GAB2: variants seen among roughly 807,000 people sequenced by gnomAD.
The protein encoded by GAB2 is GRB2-associated-binding protein 2.
GAB2 carries 26 observed loss-of-function variants against 65.5 expected under a neutral mutation model. The ratio of observed to expected loss-of-function variants is 0.40; its 90% CI spans 0.29 to 0.55. The LOEUF (loss-of-function observed/expected upper bound fraction) is 0.55, where lower values mean the gene tolerates loss of function less well. Among genes scored for constraint, GAB2 ranks in the 20% least tolerant of loss-of-function variants. The pLI, the probability that GAB2 is intolerant of heterozygous loss-of-function variation, is 0.53. For missense variants in GAB2, 884 were observed against 875.8 expected, an observed-to-expected ratio of 1.01 and a Z score of -0.12; for synonymous variants, 321 against 329.6, an observed-to-expected ratio of 0.97 and a Z score of 0.28.
chr11:78,345,536 C>T (rs1320645417), intron 1 of GAB2, among the ~76,000 whole-genome samples: 1 of 152,144 alleles, frequency 6.6e-6, no homozygotes, highest in Non-Finnish European at 1.5e-5. Flanking sequence ...TTTTGTAATT[C>T]ATTAAATATT....
At position 78,220,461 on chromosome 11, in the gene GAB2, A is replaced by C. The variant is rs1041563041; in HGVS notation, c.1762-17T>G. 6.4e-7 allele frequency: 1 copy of C among 1,553,848 alleles called. No homozygotes were observed. The highest frequency in any genetic ancestry group is 1.4e-5 in the African/African-American group (1 of 73,050). Reference sequence around the variant, plus strand: ...TGGGTTTTGCTGTCACGAGGAGGAAAAAACTGTGAGTGACTGCAGAAAACA... The same window carrying C: ...TGGGTTTTGCTGTCACGAGGAGGAACAAACTGTGAGTGACTGCAGAAAACA... On this transcript the variant is annotated splice_polypyrimidine_tract_variant and intron_variant, in intron 8 of 9. Coordinates refer to ENST00000361507, the MANE Select transcript of GAB2 (RefSeq NM_080491.3).
intron 2 of GAB2, among the ~76,000 whole-genome samples, chr11:78,265,217 T>TATATATATATAA (rs1046164029): frequency 8.7e-5 from 13 of 149,888 alleles, no homozygotes; most frequent in Admixed American, 2.7e-4. Context: ...TATATATATA[T>TATATATATATAA]ATATATAAAA....
At chr11:78,392,598 G>C (rs1856848257) in intron 1 of GAB2, among the ~76,000 whole-genome samples, 1 of 152,158 alleles carries the variant, frequency 6.6e-6, no homozygotes, top group African/African-American at 2.4e-5. Context: ...GGAGGCAGGG[G>C]AGAGAGAAGA....
chr11:78,268,735 TA>T (rs530276951), intron 2 of GAB2, among the ~76,000 whole-genome samples: 9,267 of 127,668 alleles, frequency 0.073, 597 homozygotes, highest in African/African-American at 0.19. Context: ...GTCTGGTATT[TA>T]AAAAAAAAAA....
At chr11:78,290,039 T>C (rs549301393) in intron 1 of GAB2, among the ~76,000 whole-genome samples, 73 of 152,054 alleles carry the variant, frequency 4.8e-4, no homozygotes, top group Non-Finnish European at 7.4e-4. Context: ...TTGAAGAGTA[T>C]AGATCAGCAG....
chr11:78,307,633 A>AGAGAGAGAGAGAGAGAGAGG (rs1270261078), intron 1 of GAB2, among the ~76,000 whole-genome samples: 1 of 151,046 alleles, frequency 6.6e-6, no homozygotes, highest in African/African-American at 2.4e-5. Flanking sequence ...AGAGAGAGAG[A>AGAGAGAGAGAGAGAGAGAGG]GATGTTGAGT....
At chr11:78,377,477 C>G (rs932603467) in intron 1 of GAB2, among the ~76,000 whole-genome samples, 2 of 152,154 alleles carry the variant, frequency 1.3e-5, no homozygotes, top group Non-Finnish European at 2.9e-5. Flanking sequence ...CACTGGGGAT[C>G]AGAATTTCAA....
At chr11:78,293,397 A>C (rs1040099975) in intron 1 of GAB2, among the ~76,000 whole-genome samples, 2 of 152,210 alleles carry the variant, frequency 1.3e-5, no homozygotes, top group African/African-American at 4.8e-5. Context: ...CTGTTCAATG[A>C]AAGTTATACC....
intron 1 of GAB2, among the ~76,000 whole-genome samples, chr11:78,402,886 A>C (rs1043096322): frequency 2.0e-5 from 3 of 152,304 alleles, no homozygotes; most frequent in Non-Finnish European, 2.9e-5. Flanking sequence ...TAATCCCTAA[A>C]GTGACCGTAT....
chr11:78,232,220 C>T (rs1483275718), intron 3 of GAB2, among the ~76,000 whole-genome samples: 8 of 152,180 alleles, frequency 5.3e-5, no homozygotes, highest in Non-Finnish European at 8.8e-5. Context: ...CTAATTTTAC[C>T]ATTTACCCAC....
intron 2 of GAB2, among the ~76,000 whole-genome samples, chr11:78,255,566 C>T (rs1028198995): frequency 3.9e-5 from 6 of 152,178 alleles, no homozygotes; most frequent in Non-Finnish European, 1.5e-5. Context: ...ACCCCCAATT[C>T]TGATGAGCTG....
chr11:78,219,135 A>T lies in GAB2; in HGVS notation c.*137T>A. 1 of 798,630 alleles carries T rather than the reference A, an allele frequency of 1.3e-6. No homozygotes were observed. Among genetic ancestry groups the T allele is most frequent in the East Asian group, 2.6e-5 (1 of 38,494 alleles). 49.5% of individuals were successfully genotyped at this position (798,630 alleles called of 1,614,324 possible). ...CCAGGGGAAGGGTTCAGGGTCCCTG[A>T]TGTCAAGTGCTTTGAAGGCTGAGAC... is the stretch of plus-strand genomic sequence containing the variant. On this transcript the variant is annotated 3_prime_UTR_variant, in exon 10 of 10. Transcript: ENST00000361507.
At chr11:78,302,568 C>T (rs181179629) in intron 1 of GAB2, among the ~76,000 whole-genome samples, 1 of 151,550 alleles carries the variant, frequency 6.6e-6, no homozygotes, top group East Asian at 1.9e-4. Context: ...AAAACTTCCA[C>T]ACAGCTGGTG....
At chr11:78,417,571 T>A in intron 1 of GAB2, 75 bp downstream of exon 1, 4 of 554,356 alleles carry the variant, frequency 7.2e-6, no homozygotes, top group Non-Finnish European at 9.3e-6. Context: ...CTGCCGCCCC[T>A]CCGGGAGTCC....
chr11:78,368,116 G>A (rs895821690), intron 1 of GAB2, among the ~76,000 whole-genome samples: 4 of 152,050 alleles, frequency 2.6e-5, no homozygotes, highest in African/African-American at 9.7e-5. Context: ...GCGCCCGGCT[G>A]TCAGTGCTTA....
intron 1 of GAB2, among the ~76,000 whole-genome samples, chr11:78,320,879 G>A (rs1855711327): frequency 6.6e-6 from 1 of 152,070 alleles, no homozygotes; most frequent in Non-Finnish European, 1.5e-5. Context: ...TCTCAACTGG[G>A]AGATATTATA....
intron 3 of GAB2, among the ~76,000 whole-genome samples, chr11:78,238,269 G>A (rs1865039428): frequency 6.6e-6 from 1 of 151,270 alleles, no homozygotes; most frequent in South Asian, 2.1e-4. Context: ...AGGTGTGGTG[G>A]CTCATTCCAG....
chr11:78,397,847 G>C (rs1856920940), intron 1 of GAB2, among the ~76,000 whole-genome samples: 1 of 152,012 alleles, frequency 6.6e-6, no homozygotes, highest in South Asian at 2.1e-4. Flanking sequence ...TCTTCAAGTG[G>C]ACCTCTAACA....
chr11:78,288,074 T>A (rs2134599346), intron 1 of GAB2, among the ~76,000 whole-genome samples: 1 of 152,000 alleles, frequency 6.6e-6, no homozygotes, highest in East Asian at 1.9e-4. Context: ...GCAGAGGACA[T>A]GATTATCTAT....
Sources: allele counts gnomAD v4.1 joint callset (sites outside exome capture counted in the v4.1 genomes callset), GRCh38; gene constraint gnomAD v4.1.1; transcripts MANE v1.5; gene names NCBI Gene and HGNC (gene_info 2026-07-23, HGNC 2026-07-21).